The following PGM5 variants were observed in gnomAD, a reference collection of about 807,000 sequenced individuals.
PGM5 encodes the protein phosphoglucomutase-like protein 5.
Under a neutral mutation model 59.2 loss-of-function variants are expected in PGM5, and 23 were observed. The ratio of observed to expected loss-of-function variants is 0.39; its 90% CI spans 0.28 to 0.55. The LOEUF (loss-of-function observed/expected upper bound fraction) is 0.55. Among genes scored for constraint, PGM5 ranks in the 20% least tolerant of loss-of-function variants. The pLI, the probability that PGM5 is intolerant of heterozygous loss-of-function variation, is 0.66. For missense variants in PGM5, 574 were observed against 748.3 expected (o/e 0.77, Z 2.72); for synonymous variants, 214 against 286.0 (o/e 0.75, Z 2.54).
intron 8 of PGM5, among the ~76,000 whole-genome samples, chr9:68,482,208 A>C (rs1824207706): frequency 6.6e-6 from 1 of 152,122 alleles, no homozygotes; most frequent in Admixed American, 6.5e-5. Context: ...CTATCATATT[A>C]GTGGATTTTT....
intron 9 of PGM5, chr9:68,497,290 T>C (rs1554688231): frequency 6.6e-6 from 1 of 152,186 alleles, no homozygotes; most frequent in Non-Finnish European, 1.5e-5. Context: ...TACCCAGGAT[T>C]TAGCACAGTG....
chr9:68,411,467 AAT>A (rs1491550588), intron 6 of PGM5, among the ~76,000 whole-genome samples: 1 of 117,612 alleles, frequency 8.5e-6, no homozygotes, highest in Admixed American at 9.6e-5. Flanking sequence ...TTAAATATAT[AAT>A]GTGTGTGTGT....
At chr9:68,498,994 C>T in intron 9 of PGM5, 1 of 505,006 alleles carries the variant, frequency 2.0e-6, no homozygotes, top group South Asian at 2.5e-5. Context: ...AGCTTTGCTC[C>T]TCTTTCCCCA....
At position 68,494,322 on chromosome 9, in the gene PGM5, T is replaced by G. The variant is rs531191303; in HGVS notation, c.1480-4905T>G. Among the ~76,000 whole-genome samples, 3 of 152,288 alleles carry G rather than the reference T, an allele frequency of 2.0e-5. No individual in the cohort carries two copies. In the East Asian group the frequency reaches 5.8e-4, roughly 29 times the overall value. ...CAGGATTCAGTGGCATGAAGTTGTTTTATTAGCCTCACTGTGTTAACAGCC... is the reference window on the plus strand; with the variant it reads ...CAGGATTCAGTGGCATGAAGTTGTTGTATTAGCCTCACTGTGTTAACAGCC... On this transcript the variant is annotated intron_variant, in intron 9 of 10. Coordinates refer to ENST00000396396, the MANE Select transcript of PGM5 (RefSeq NM_021965.4).
chr9:68,409,940 G>A (rs1380629187), intron 6 of PGM5, among the ~76,000 whole-genome samples: 1 of 151,502 alleles, frequency 6.6e-6, no homozygotes, highest in Non-Finnish European at 1.5e-5. Flanking sequence ...ATCTGACTTC[G>A]CCATTGATTC....
rs1365904830 is a variant in PGM5 at position 68,483,813 on chromosome 9, C to T, written c.1296-52C>T. The T allele has an allele frequency of 1.9e-6, 3 of 1,549,316 alleles. No homozygotes were observed. The African/African-American group carries it at 4.1e-5, about 21-fold the overall frequency. On this transcript the variant is annotated intron_variant, in intron 8 of 10. Transcript: ENST00000396396. ...TGATTAAATAACTGTAAGTGGGCCACCCAGTTGCTGGTTCTCTGATTAGGT... is the reference window on the plus strand; with the variant it reads ...TGATTAAATAACTGTAAGTGGGCCATCCAGTTGCTGGTTCTCTGATTAGGT...
intron 9 of PGM5, among the ~76,000 whole-genome samples, chr9:68,484,783 G>T (rs1824267942): frequency 1.3e-5 from 2 of 152,110 alleles, no homozygotes; most frequent in African/African-American, 2.4e-5. Context: ...AAGAACTAAA[G>T]ATCCCTGTCC....
chr9:68,465,316 G>A, intron 7 of PGM5, 108 bp downstream of exon 7: 1 of 732,550 alleles, frequency 1.4e-6, no homozygotes, highest in Non-Finnish European at 2.4e-6. Context: ...CAGTTAAGTA[G>A]AGGCAAAAAA....
chr9:68,522,267 A>C (rs1333664832), intron 10 of PGM5, among the ~76,000 whole-genome samples: 1 of 152,198 alleles, frequency 6.6e-6, no homozygotes, highest in African/African-American at 2.4e-5. Context: ...GCTCTCTCTG[A>C]TGAAACTGAG....
Position 68,357,395 on chromosome 9 carries a change from G to T in PGM5, c.261+7G>T. 2 of 1,556,064 alleles carry T rather than the reference G, an allele frequency of 1.3e-6. No homozygotes were observed. Among genetic ancestry groups the T allele is most frequent in the Non-Finnish European group, 1.7e-6 (2 of 1,153,624 alleles). ...GATGGCCGCGGCCAACGGGGTGAGT[G>T]TCCGGATGCCCCTCGCTTCCCGCCG... On this transcript the variant is annotated splice_region_variant and intron_variant, in intron 1 of 10. Coordinates refer to ENST00000396396, the MANE Select transcript of PGM5 (RefSeq NM_021965.4).
chr9:68,408,950 C>A (rs1460871634), intron 6 of PGM5, among the ~76,000 whole-genome samples: 2 of 151,906 alleles, frequency 1.3e-5, no homozygotes, highest in Non-Finnish European at 2.9e-5. Context: ...TGTTTTGGTA[C>A]CAGTACCATG....
intron 10 of PGM5, among the ~76,000 whole-genome samples, chr9:68,519,434 T>C (rs1824865756): frequency 6.6e-6 from 1 of 152,010 alleles, no homozygotes. Context: ...AATAAAGGTA[T>C]AGATAAATAC....
At chr9:68,500,822 C>T (rs2132106332) in intron 10 of PGM5, among the ~76,000 whole-genome samples, 1 of 152,288 alleles carries the variant, frequency 6.6e-6, no homozygotes, top group South Asian at 2.1e-4. Flanking sequence ...TCCCTATTTG[C>T]ACAGGGCAAG....
At chr9:68,505,092 T>A (rs1824633530) in intron 10 of PGM5, among the ~76,000 whole-genome samples, 3 of 152,316 alleles carry the variant, frequency 2.0e-5, no homozygotes, top group African/African-American at 7.2e-5. Flanking sequence ...TTATCCTGCT[T>A]TGCTTTTGCA....
chr9:68,358,208 GACA>G (rs1587765909), intron 1 of PGM5, among the ~76,000 whole-genome samples: 1 of 152,176 alleles, frequency 6.6e-6, no homozygotes, highest in Admixed American at 6.5e-5. Context: ...TTTGGCATTT[GACA>G]ACATTTCATG....
chr9:68,469,644 C>T (rs1357374065), intron 7 of PGM5, among the ~76,000 whole-genome samples: 2 of 152,210 alleles, frequency 1.3e-5, no homozygotes, highest in African/African-American at 4.8e-5. Context: ...TGGATGCTTC[C>T]ATGCATGGAT....
At chr9:68,479,308 T>G (rs1209761963) in intron 7 of PGM5, 110 bp from the exon 8 acceptor site, 1 of 953,880 alleles carries the variant, frequency 1.0e-6, no homozygotes, top group African/African-American at 1.6e-5. Flanking sequence ...GGGTAAATGA[T>G]CCAATCATTT....
intron 7 of PGM5, 43 bp downstream of exon 7, chr9:68,465,251 G>A (rs1554685712): frequency 7.8e-7 from 1 of 1,283,172 alleles, no homozygotes; most frequent in Non-Finnish European, 1.1e-6. Context: ...GGCGGCTGCA[G>A]CCTTTTGTGA....
At chr9:68,432,550 A>C (rs1437310209) in intron 6 of PGM5, among the ~76,000 whole-genome samples, 3 of 151,950 alleles carry the variant, frequency 2.0e-5, no homozygotes, top group African/African-American at 7.3e-5. Flanking sequence ...CTTTAATCTG[A>C]AATTTGCTTT....
Sources: gnomAD v4.1 joint callset for allele counts (sites outside exome capture counted in the v4.1 genomes callset) on GRCh38, gnomAD v4.1.1 for gene constraint, MANE v1.5 for transcripts, NCBI Gene and HGNC (gene_info 2026-07-23, HGNC 2026-07-21) for gene names.